FAM184A: variants seen among roughly 807,000 people sequenced by gnomAD.
The protein encoded by FAM184A is family with sequence similarity 184 member A.
FAM184A carries 99 observed loss-of-function variants against 143.8 expected under a neutral mutation model. The ratio of observed to expected loss-of-function variants is 0.69; its 90% CI spans 0.58 to 0.81. The LOEUF (loss-of-function observed/expected upper bound fraction) is 0.81. FAM184A is among the 40% of genes least tolerant of loss of function. The probability of loss-of-function intolerance (pLI) is 0.00; values close to 1 mark genes in which losing one functional copy is unlikely to be tolerated. For missense variants in FAM184A, 1,217 were observed against 1,310.5 expected (o/e 0.93, Z 1.10); for synonymous variants, 427 against 446.4 (o/e 0.96, Z 0.55).
At chr6:119,015,834 T>C (rs1040018823) in intron 5 of FAM184A, among the ~76,000 whole-genome samples, 9 of 152,348 alleles carry the variant, frequency 5.9e-5, no homozygotes, top group Admixed American at 1.3e-4. Flanking sequence ...AGCTCAGGGA[T>C]TGTAAATACA....
At chr6:119,099,478 G>A (rs141843861) in intron 1 of FAM184A, among the ~76,000 whole-genome samples, 114 of 152,226 alleles carry the variant, frequency 7.5e-4, no homozygotes, top group Admixed American at 6.2e-3. Flanking sequence ...ACCCCTAAGA[G>A]GAGTCCCTGC....
At position 118,980,143 on chromosome 6, in the gene FAM184A, G is replaced by C; in HGVS notation, c.2296C>G (p.Gln766Glu). 6.2e-7 allele frequency: 1 copy of C among 1,612,664 alleles called. No individual in the cohort carries two copies. The highest frequency in any genetic ancestry group is 8.5e-7 in the Non-Finnish European group (1 of 1,178,734). The change falls in exon 10 of 18, where the codon CAA becomes GAA. Residue 766 changes from glutamine (Q) to glutamate (E), a missense_variant. Gln to Glu is a conservative substitution (Grantham distance 29). Transcript: ENST00000338891. ...GTATGTCACATAAAACTTACTCTTT[G>C]CTCCTTTTCCTTTTCCTCTTCCATA... ...QTMEEEKEKE[Q>E]RALENHLQQK...
At chr6:119,015,538 T>G (rs1785217178) in intron 5 of FAM184A, among the ~76,000 whole-genome samples, 1 of 152,222 alleles carries the variant, frequency 6.6e-6, no homozygotes, top group African/African-American at 2.4e-5. Flanking sequence ...CTCGATTTTT[T>G]GCCGGGCCTT....
chr6:119,056,874 C>T (rs995986303), intron 1 of FAM184A, among the ~76,000 whole-genome samples: 2 of 152,196 alleles, frequency 1.3e-5, no homozygotes, highest in Non-Finnish European at 2.9e-5. Context: ...TCCTTTCTGA[C>T]ACAACTACTA....
chr6:119,092,107 G>T (rs1582608416), intron 1 of FAM184A, among the ~76,000 whole-genome samples: 1 of 152,136 alleles, frequency 6.6e-6, no homozygotes, highest in South Asian at 2.1e-4. Flanking sequence ...ACTCTTATTC[G>T]TATATCCACA....
intron 1 of FAM184A, among the ~76,000 whole-genome samples, chr6:119,033,644 G>A (rs1183458749): frequency 7.7e-5 from 11 of 142,880 alleles, no homozygotes; most frequent in East Asian, 2.1e-4. Flanking sequence ...CAGCCCGGAC[G>A]ACAGAGTGAG....
chr6:118,985,844 G>C (rs943255924), intron 9 of FAM184A, among the ~76,000 whole-genome samples: 6 of 152,124 alleles, frequency 3.9e-5, no homozygotes, highest in Non-Finnish European at 7.3e-5. Context: ...TGCTAACCTA[G>C]GCTTAGTAGA....
chr6:119,022,795 T>C (rs1785493713), intron 3 of FAM184A, 150 bp downstream of exon 3: 3 of 829,422 alleles, frequency 3.6e-6, no homozygotes, highest in Non-Finnish European at 5.5e-6. Flanking sequence ...GAGAATTGCT[T>C]GAACCCAGGA....
chr6:119,025,434 T>C (rs1224178381), intron 1 of FAM184A: 1 of 518,760 alleles, frequency 1.9e-6, no homozygotes, highest in Non-Finnish European at 3.8e-6. Context: ...ATTTGTACTT[T>C]TTCTCTTCAT....
At chr6:119,079,789 C>G (rs1032078990), upstream of FAM184A, among the ~76,000 whole-genome samples, 2 of 152,176 alleles carry the variant, frequency 1.3e-5, no homozygotes, top group African/African-American at 4.8e-5. Flanking sequence ...GTGACAACAT[C>G]TAAACAAGGT....
intron 1 of FAM184A, among the ~76,000 whole-genome samples, chr6:119,084,523 C>T (rs1788163016): frequency 6.6e-6 from 1 of 152,240 alleles, no homozygotes; most frequent in Admixed American, 6.5e-5. Flanking sequence ...CCCACAGTTG[C>T]TCTCATGGGC....
At chr6:118,972,640 A>C (rs2114561080) in intron 14 of FAM184A, among the ~76,000 whole-genome samples, 2 of 152,344 alleles carry the variant, frequency 1.3e-5, no homozygotes, top group South Asian at 4.1e-4. Context: ...GTTATTTGCT[A>C]CCTACTGAAG....
Position 119,078,660 on chromosome 6 carries a change from A to AGGCTGCGGAGGGAGGAGGAGACGGGGCG in FAM184A, c.-362_-361insCGCCCCGTCTCCTCCTCCCTCCGCAGCC, listed in dbSNP as rs2114802877. On this transcript the variant is annotated 5_prime_UTR_variant, in exon 1 of 18. Transcript: ENST00000338891. This position sits in a 1 kb window ranked among gnomAD's most constrained non-coding sequence, Gnocchi z 5.5. ...CGCAGCCCGCACCGAGGACTCGGCG[A>AGGCTGCGGAGGGAGGAGGAGACGGGGCG]GGCTGCGGAGGGAGGAGGAGACGGG... 1 of 170,648 alleles carries AGGCTGCGGAGGGAGGAGGAGACGGGGCG rather than the reference A, an allele frequency of 5.9e-6. No individual in the cohort carries two copies. The highest frequency in any genetic ancestry group is 2.0e-4 in the South Asian group (1 of 5,020). The allele number at this position is 170,648 out of a possible 1,614,324, so 10.6% of individuals were successfully genotyped here. A position where few individuals can be genotyped will look rare whatever the true frequency, so the allele number is the denominator to read the frequency against.
At chr6:119,125,861 G>C (rs983595460) in intron 1 of FAM184A, among the ~76,000 whole-genome samples, 6 of 152,220 alleles carry the variant, frequency 3.9e-5, no homozygotes, top group Non-Finnish European at 7.3e-5. Context: ...CAGCCACTCA[G>C]AGTTGTAAAA....
chr6:118,993,001 T>G (rs545691346), intron 9 of FAM184A, among the ~76,000 whole-genome samples: 3 of 152,212 alleles, frequency 2.0e-5, no homozygotes, highest in African/African-American at 7.2e-5. Flanking sequence ...ATTCTGTTAT[T>G]GCAGTCCAAG....
intron 1 of FAM184A, among the ~76,000 whole-genome samples, chr6:119,027,496 T>C (rs1158533716): frequency 1.3e-5 from 2 of 152,204 alleles, no homozygotes; most frequent in African/African-American, 2.4e-5. Context: ...CAGTGAAATA[T>C]AGCAGGGACC....
At chr6:119,122,326 C>A (rs969719972) in intron 1 of FAM184A, among the ~76,000 whole-genome samples, 3 of 152,018 alleles carry the variant, frequency 2.0e-5, no homozygotes, top group South Asian at 2.1e-4. Context: ...CTTTTTTATG[C>A]CTCTGCTGTG....
intron 16 of FAM184A, 59 bp from the exon 17 acceptor site, chr6:118,962,022 G>A (rs1373973656): frequency 6.5e-7 from 1 of 1,533,744 alleles, no homozygotes. Context: ...TGAGAAAATA[G>A]GAATGGTAGA....
intron 1 of FAM184A, among the ~76,000 whole-genome samples, chr6:119,036,624 TG>T (rs959202029): frequency 6.6e-6 from 1 of 152,082 alleles, no homozygotes; most frequent in Non-Finnish European, 1.5e-5. Flanking sequence ...ATTCAGGATC[TG>T]TGCAATGGGA....
Sources: allele counts gnomAD v4.1 joint callset (sites outside exome capture counted in the v4.1 genomes callset), GRCh38; gene constraint gnomAD v4.1.1; non-coding constraint Gnocchi (gnomAD v3.1); transcripts MANE v1.5; gene names NCBI Gene and HGNC (gene_info 2026-07-23, HGNC 2026-07-21).